PLA2G7: variants seen among roughly 807,000 people sequenced by gnomAD.
PLA2G7 encodes phospholipase A2 group VII.
Under a neutral mutation model 49.6 loss-of-function variants are expected in PLA2G7, and 63 were observed. That is an observed-to-expected ratio of 1.27 (90% CI 1.04 to 1.57). The LOEUF is 1.57. Among genes scored for constraint, PLA2G7 ranks in the 40% most tolerant of loss-of-function variants. The pLI is 0.00. For missense variants in PLA2G7, 596 were observed against 521.2 expected (o/e 1.14, Z -1.40); for synonymous variants, 193 against 169.9 (o/e 1.14, Z -1.06).
intron 5 of PLA2G7, 34 bp downstream of exon 5, chr6:46,714,426 G>C (rs200529136): frequency 7.6e-7 from 1 of 1,323,502 alleles, no homozygotes; most frequent in Non-Finnish European, 1.1e-6. Context: ...ATTTATTCCT[G>C]GAAGCCAAAA....
chr6:46,704,755 G>C (rs2150689066), intron 11 of PLA2G7, 59 bp from the exon 12 acceptor site: 1 of 1,026,996 alleles, frequency 9.7e-7, no homozygotes, highest in Non-Finnish European at 1.5e-6. Flanking sequence ...AAACAGTTTG[G>C]TGCCCCTAGG....
At chr6:46,716,123 G>T (rs965252068) in intron 4 of PLA2G7, among the ~76,000 whole-genome samples, 1 of 152,210 alleles carries the variant, frequency 6.6e-6, no homozygotes, top group Non-Finnish European at 1.5e-5. Context: ...TATGTCAGAT[G>T]AAAACTAAAG....
Position 46,711,576 on chromosome 6 carries a change from C to A in PLA2G7, c.583G>T (p.Ala195Ser). 6.2e-7 allele frequency: 1 copy of A among 1,613,692 alleles called. No individual in the cohort carries two copies. The highest frequency in any genetic ancestry group is 2.2e-5 in the East Asian group (1 of 44,868). Residue 195 changes from alanine (A) to serine (S), a missense_variant, in exon 7 of 12, where the codon GCT (alanine) becomes TCT (serine). Ala to Ser is a moderately conservative substitution (Grantham distance 99). Coordinates refer to ENST00000274793, the MANE Select transcript of PLA2G7 (RefSeq NM_005084.4). ...SATYYFKDQS[A>S]AEIGDKSWLY... ...CAAGACTTGTCCCCTATTTCTGCAG[C>A]AGATTGGTCCTTGAAATAGTAAGTT...
intron 1 of PLA2G7, among the ~76,000 whole-genome samples, chr6:46,734,722 T>G (rs1270561343): frequency 6.6e-6 from 1 of 151,408 alleles, no homozygotes; most frequent in East Asian, 2.0e-4. Context: ...ACTCGGGAAG[T>G]TGAGGCAGGA....
At chr6:46,714,896 T>C (rs1162410658) in intron 4 of PLA2G7, among the ~76,000 whole-genome samples, 1 of 151,624 alleles carries the variant, frequency 6.6e-6, no homozygotes, top group African/African-American at 2.4e-5. Context: ...CCACCACGCC[T>C]GGCTAATTTT....
chr6:46,732,890 C>T (rs1765779558), intron 1 of PLA2G7, among the ~76,000 whole-genome samples: 1 of 152,190 alleles, frequency 6.6e-6, no homozygotes, highest in Admixed American at 6.5e-5. Context: ...AATTTCCCTT[C>T]ACTCAGTACT....
intron 7 of PLA2G7, among the ~76,000 whole-genome samples, chr6:46,710,973 T>G (rs1449366956): frequency 6.6e-6 from 1 of 152,140 alleles, no homozygotes; most frequent in Admixed American, 6.5e-5. Flanking sequence ...TAATAACACA[T>G]GTAAAACACC....
intron 1 of PLA2G7, among the ~76,000 whole-genome samples, chr6:46,730,223 G>A (rs1582590061): frequency 6.6e-6 from 1 of 152,346 alleles, no homozygotes; most frequent in Middle Eastern, 3.4e-3. Context: ...TACTTTTAAT[G>A]TGGAAAACCT....
chr6:46,725,252 G>A (rs1305057175), intron 1 of PLA2G7, among the ~76,000 whole-genome samples: 1 of 150,450 alleles, frequency 6.6e-6, no homozygotes, highest in Non-Finnish European at 1.5e-5. Flanking sequence ...TTTTTTCTTT[G>A]ACAGAGTTTT....
rs746017316 is a variant in PLA2G7 at position 46,709,312 on chromosome 6, A to G, written c.869+15T>C. On this transcript the variant is annotated intron_variant, in intron 9 of 11. Coordinates refer to ENST00000274793, the MANE Select transcript of PLA2G7 (RefSeq NM_005084.4). Reference sequence around the variant, plus strand: ...TAATTTACTATTCTCTTGCTTTACTATCTTATTTTCTTACCTGAATCTCTG... The same window carrying G: ...TAATTTACTATTCTCTTGCTTTACTGTCTTATTTTCTTACCTGAATCTCTG... The G allele has an allele frequency of 9.4e-6, 13 of 1,388,948 alleles. No homozygotes were observed. The Admixed American group carries it at 1.0e-4, about 11-fold the overall frequency. The allele number at this position is 1,388,948 out of a possible 1,614,324, so 86.0% of individuals were successfully genotyped here. A position where few individuals can be genotyped will look rare whatever the true frequency, so the allele number is the denominator to read the frequency against.
chr6:46,728,820 T>C (rs773407406), intron 1 of PLA2G7, among the ~76,000 whole-genome samples: 2 of 152,220 alleles, frequency 1.3e-5, no homozygotes, highest in Non-Finnish European at 2.9e-5. Flanking sequence ...GTTAAGGTCA[T>C]GGGTATACTT....
At chr6:46,713,210 A>AGG (rs1562071314) in intron 5 of PLA2G7, among the ~76,000 whole-genome samples, 1 of 152,236 alleles carries the variant, frequency 6.6e-6, no homozygotes, top group African/African-American at 2.4e-5. Flanking sequence ...CATACCATGC[A>AGG]TTCAATAGGA....
chr6:46,712,343 A>C lies in PLA2G7; in HGVS notation c.471-6T>G, dbSNP rs768198567. On this transcript the variant is annotated splice_polypyrimidine_tract_variant and splice_region_variant and intron_variant, in intron 5 of 11. Coordinates refer to ENST00000274793, the MANE Select transcript of PLA2G7 (RefSeq NM_005084.4). ...CAATAGCAGAATAAAGTGTCCTTCA[A>C]AACAAAAAGAGGGAAGAATTACAAC... is the stretch of plus-strand genomic sequence containing the variant. The C allele has an allele frequency of 1.2e-6, 2 of 1,605,528 alleles. No individual in the cohort carries two copies. Among genetic ancestry groups the C allele is most frequent in the Non-Finnish European group, 1.7e-6 (2 of 1,172,518 alleles).
In PLA2G7 at chr6:46,722,748, A is replaced by T. The variant is rs200309688; in HGVS notation, c.109+35T>A. 83 of 1,241,230 alleles carry T rather than the reference A, an allele frequency of 6.7e-5. No homozygotes were observed. In the Middle Eastern group the frequency reaches 1.9e-3, roughly 28 times the overall value. The allele number at this position is 1,241,230 out of a possible 1,614,324, so 76.9% of individuals were successfully genotyped here. ...CCCACTTGAAGTATGGCGACAGATC[A>T]GTTGCTCAAGACCTTGAACAAATAC... On this transcript the variant is annotated intron_variant, in intron 2 of 11. Coordinates refer to ENST00000274793, the MANE Select transcript of PLA2G7 (RefSeq NM_005084.4).
chr6:46,706,505 G>A (rs1260753332), intron 10 of PLA2G7, among the ~76,000 whole-genome samples: 1 of 152,190 alleles, frequency 6.6e-6, no homozygotes, highest in African/African-American at 2.4e-5. Context: ...CAGGAAGAGG[G>A]GTGGTCAGCA....
At chr6:46,719,682 C>T (rs12195701) in intron 2 of PLA2G7, among the ~76,000 whole-genome samples, 23,487 of 152,136 alleles carry the variant, frequency 0.15, 2,272 homozygotes, top group South Asian at 0.27. Context: ...CTCTCTGATC[C>T]ACATTCGTAA....
chr6:46,723,665 T>G (rs1187249014), intron 1 of PLA2G7, among the ~76,000 whole-genome samples: 1 of 152,220 alleles, frequency 6.6e-6, no homozygotes, highest in Non-Finnish European at 1.5e-5. Flanking sequence ...CTTCAACTTT[T>G]GTGGGGGATA....
intron 1 of PLA2G7, among the ~76,000 whole-genome samples, chr6:46,724,339 A>G (rs928726913): frequency 3.3e-5 from 5 of 152,224 alleles, no homozygotes; most frequent in African/African-American, 7.2e-5. Flanking sequence ...AAGACCTAGA[A>G]TAGTGCCTGG....
intron 4 of PLA2G7, 146 bp downstream of exon 4, chr6:46,716,238 C>CT: frequency 1.3e-6 from 1 of 794,918 alleles, no homozygotes; most frequent in Non-Finnish European, 2.1e-6. Flanking sequence ...GTTGCCTGGG[C>CT]TTTAAAGAAA....
Sources: gnomAD v4.1 joint callset for allele counts (sites outside exome capture counted in the v4.1 genomes callset) on GRCh38, gnomAD v4.1.1 for gene constraint, MANE v1.5 for transcripts, NCBI Gene and HGNC (gene_info 2026-07-23, HGNC 2026-07-21) for gene names.